AGBL1: variants seen among roughly 807,000 people sequenced by gnomAD.
AGBL1 encodes cytosolic carboxypeptidase 4.
In AGBL1, 130 loss-of-function variants were observed where a neutral mutation model predicts 118.9. The ratio of observed to expected loss-of-function variants is 1.09; its 90% confidence interval spans 0.95 to 1.26. The LOEUF is 1.26. Ranked by LOEUF, AGBL1 falls within the 50% of genes most tolerant of loss-of-function variation. AGBL1 has a pLI of 0.00. For missense variants in AGBL1, 1,584 were observed against 1,298.1 expected (o/e 1.22, Z -3.38); for synonymous variants, 555 against 478.9 (o/e 1.16, Z -2.08).
At chr15:86,312,425 A>T (rs2079934899) in intron 17 of AGBL1, 1 of 152,222 alleles carries the variant, frequency 6.6e-6, no homozygotes, top group Non-Finnish European at 1.5e-5. Flanking sequence ...GAGCTGAGTC[A>T]CTGGGCAAAT....
At chr15:86,849,513 C>CTTTT (rs1432477083) in intron 22 of AGBL1, among the ~76,000 whole-genome samples, 4 of 87,714 alleles carry the variant, frequency 4.6e-5, no homozygotes, top group Non-Finnish European at 1.1e-4. Flanking sequence ...TTCTTTCTTT[C>CTTTT]TTTCTTTTTT....
At chr15:86,285,261 G>C (rs1237539182) in intron 16 of AGBL1, among the ~76,000 whole-genome samples, 1 of 152,134 alleles carries the variant, frequency 6.6e-6, no homozygotes, top group African/African-American at 2.4e-5. Context: ...CCTGATGGCA[G>C]GTCCAGCAGG....
chr15:86,361,755 A>G (rs1430721988), intron 17 of AGBL1, among the ~76,000 whole-genome samples: 1 of 152,150 alleles, frequency 6.6e-6, no homozygotes, highest in Non-Finnish European at 1.5e-5. Context: ...TGATATAAGT[A>G]TAGCTATCCC....
intron 18 of AGBL1, among the ~76,000 whole-genome samples, chr15:86,460,956 G>T (rs960041367): frequency 6.6e-6 from 1 of 152,138 alleles, no homozygotes; most frequent in Non-Finnish European, 1.5e-5. Context: ...GAGAGAACTG[G>T]CGGTTCAGTA....
At chr15:86,690,177 G>GT (rs572377136) in intron 22 of AGBL1, among the ~76,000 whole-genome samples, 11 of 152,182 alleles carry the variant, frequency 7.2e-5, no homozygotes, top group African/African-American at 2.4e-4. Flanking sequence ...GTGTTCTTTT[G>GT]TTAGCTGTCT....
intron 1 of AGBL1, among the ~76,000 whole-genome samples, chr15:86,092,350 G>A (rs888537605): frequency 3.3e-5 from 5 of 152,102 alleles, no homozygotes; most frequent in African/African-American, 7.2e-5. Flanking sequence ...TGTTCCCAGT[G>A]TATTTTTTAA....
At chr15:86,668,705 G>A (rs1478734925) in intron 21 of AGBL1, among the ~76,000 whole-genome samples, 1 of 152,114 alleles carries the variant, frequency 6.6e-6, no homozygotes, top group Non-Finnish European at 1.5e-5. Flanking sequence ...ACTTGGTTTT[G>A]TAACAAAGAC....
intron 23 of AGBL1, among the ~76,000 whole-genome samples, chr15:86,962,490 G>A (rs2081002755): frequency 1.3e-5 from 2 of 151,892 alleles, no homozygotes; most frequent in Middle Eastern, 3.4e-3. Flanking sequence ...TTACTATCAT[G>A]CCACATATTC....
chr15:86,237,925 C>T (rs1403311344), intron 6 of AGBL1, among the ~76,000 whole-genome samples: 1 of 152,146 alleles, frequency 6.6e-6, no homozygotes, highest in Non-Finnish European at 1.5e-5. Flanking sequence ...GGCTTTAGCT[C>T]CTGGACTTTT....
chr15:86,753,372 C>T (rs1179544015), intron 22 of AGBL1, among the ~76,000 whole-genome samples: 2 of 148,830 alleles, frequency 1.3e-5, no homozygotes, highest in South Asian at 2.1e-4. Context: ...GGGCAGGAAT[C>T]AAGGCTTTCT....
intron 18 of AGBL1, among the ~76,000 whole-genome samples, chr15:86,420,186 AG>A (rs1296597417): frequency 6.6e-6 from 1 of 152,198 alleles, no homozygotes; most frequent in African/African-American, 2.4e-5. Flanking sequence ...ATCTCCTAGC[AG>A]GGGTCGACAG....
chr15:86,750,951 C>T (rs766623787), intron 22 of AGBL1, among the ~76,000 whole-genome samples: 1 of 152,010 alleles, frequency 6.6e-6, no homozygotes, highest in Non-Finnish European at 1.5e-5. Flanking sequence ...CCATCCATGT[C>T]CCTGTAAAGG....
chr15:86,833,071 C>T (rs917389512), intron 22 of AGBL1, among the ~76,000 whole-genome samples: 1 of 152,102 alleles, frequency 6.6e-6, no homozygotes, highest in African/African-American at 2.4e-5. Context: ...CATCACATCT[C>T]GTGAGACTTA....
chr15:86,785,570 A>G lies in AGBL1; in HGVS notation c.3158+111134A>G, dbSNP rs142640708. On this transcript the variant is annotated intron_variant, in intron 22 of 22. Transcript: ENST00000614907. ...TTTAGTAGAGACGGGGTTTCACCATATTGGTCAGGCTGGTCTCGAACTCCT... is the reference window on the plus strand; with the variant it reads ...TTTAGTAGAGACGGGGTTTCACCATGTTGGTCAGGCTGGTCTCGAACTCCT... Among the ~76,000 whole-genome samples the G allele has an allele frequency of 9.9e-5, 15 of 151,606 alleles. No homozygotes were observed. In the East Asian group the frequency reaches 2.9e-3, roughly 30 times the overall value.
At chr15:86,161,683 C>A (rs187428633) in intron 5 of AGBL1, among the ~76,000 whole-genome samples, 4 of 152,302 alleles carry the variant, frequency 2.6e-5, no homozygotes, top group Admixed American at 2.6e-4. Flanking sequence ...CATCAGTTGG[C>A]TATTTCCTCT....
intron 22 of AGBL1, among the ~76,000 whole-genome samples, chr15:86,902,442 A>G (rs2080224356): frequency 6.6e-6 from 1 of 152,144 alleles, no homozygotes; most frequent in Admixed American, 6.5e-5. Flanking sequence ...GCTGTCAAAC[A>G]TCATCTTAAA....
chr15:86,320,532 T>G (rs2080088855), intron 17 of AGBL1, among the ~76,000 whole-genome samples: 1 of 152,156 alleles, frequency 6.6e-6, no homozygotes, highest in Non-Finnish European at 1.5e-5. Flanking sequence ...TGCCGATATA[T>G]CATTTGAAAC....
chr15:86,817,253 T>C (rs1037165952), intron 22 of AGBL1, among the ~76,000 whole-genome samples: 1 of 150,538 alleles, frequency 6.6e-6, no homozygotes, highest in Admixed American at 6.6e-5. Flanking sequence ...GATAGTGCGA[T>C]TGTACTCTAG....
Position 86,158,960 on chromosome 15 carries a change from A to T in AGBL1, c.422A>T (p.Asn141Ile). 6.2e-7 allele frequency: 1 copy of T among 1,613,382 alleles called. No individual in the cohort carries two copies. Among genetic ancestry groups the T allele is most frequent in the Non-Finnish European group, 8.5e-7 (1 of 1,179,438 alleles). The stretch of plus-strand genomic sequence containing the variant: ...TCCATGGGAGCCATGCTGGGAATTA[A>T]TGGAGCCATGGAACTGCTTTTCAAG... ...SVSMGAMLGI[N>I]GAMELLFKVI... The change falls in exon 5 of 23, where the codon AAT (asparagine) becomes ATT (isoleucine). Residue 141 changes from asparagine (N) to isoleucine (I), a missense_variant. Transcript: ENST00000614907.
Sources: allele counts gnomAD v4.1 joint callset (sites outside exome capture counted in the v4.1 genomes callset), GRCh38; gene constraint gnomAD v4.1.1; transcripts MANE v1.5; gene names NCBI Gene and HGNC (gene_info 2026-07-23, HGNC 2026-07-21).